PLK4: variants seen among roughly 807,000 people sequenced by gnomAD.
PLK4 encodes the protein serine/threonine-protein kinase PLK4.
In PLK4, 51 loss-of-function variants were observed where a neutral mutation model predicts 103.0. The ratio of observed to expected loss-of-function variants is 0.50; its 90% confidence interval spans 0.40 to 0.63. The LOEUF (loss-of-function observed/expected upper bound fraction) is 0.63, where lower values mean the gene tolerates loss of function less well. Ranked by LOEUF, PLK4 falls within the 20% of genes least tolerant of loss-of-function variation. The probability of loss-of-function intolerance (pLI) is 0.00; values close to 1 mark genes in which losing one functional copy is unlikely to be tolerated. For missense variants in PLK4, 1,054 were observed against 1,151.0 expected (o/e 0.92, Z 1.22); for synonymous variants, 389 against 376.8 (o/e 1.03, Z -0.38).
intron 6 of PLK4, among the ~76,000 whole-genome samples, chr4:127,888,408 G>C (rs1331302501): frequency 6.6e-6 from 1 of 152,074 alleles, no homozygotes; most frequent in East Asian, 1.9e-4. Flanking sequence ...TGACCATTCA[G>C]CAGAGGAGCC....
chr4:127,897,824 CTTTTTTTTTTTTTTTTT>C (rs200741150), intron 15 of PLK4, among the ~76,000 whole-genome samples: 10 of 28,806 alleles, frequency 3.5e-4, no homozygotes, highest in South Asian at 2.2e-3. Context: ...AGAATTAGGG[CTTTTTTTTTTTTTTTTT>C]TTTTTTTTTT....
At chr4:127,890,362 A>G (rs1735308952) in intron 7 of PLK4, 126 bp downstream of exon 7, 4 of 567,868 alleles carry the variant, frequency 7.0e-6, no homozygotes, top group Non-Finnish European at 1.1e-5. Flanking sequence ...CAACTTTATT[A>G]AAGAGAAAAG....
At chr4:127,898,372 T>A in intron 15 of PLK4, 67 bp from the exon 16 acceptor site, 1 of 744,448 alleles carries the variant, frequency 1.3e-6, no homozygotes, top group Non-Finnish European at 2.4e-6. Context: ...AATGTGCTTT[T>A]TGGGACTCTC....
At chr4:127,890,378 G>A (rs1275782292) in intron 7 of PLK4, 142 bp downstream of exon 7, 1 of 513,730 alleles carries the variant, frequency 1.9e-6, no homozygotes, top group African/African-American at 1.9e-5. Flanking sequence ...AAAAGAGACT[G>A]GGTGTTTATG....
chr4:127,891,570 T>G lies in PLK4; in HGVS notation c.1936-9T>G. ...ATGTAATTAGAATTTTAAAAAAATC[T>G]TTTGGCAGATCACTATTTATTATCC... On this transcript the variant is annotated splice_polypyrimidine_tract_variant and intron_variant, in intron 8 of 15. Coordinates refer to ENST00000270861, the MANE Select transcript of PLK4 (RefSeq NM_014264.5). 1 of 1,364,530 alleles carries G rather than the reference T, an allele frequency of 7.3e-7. No homozygotes were observed. Among genetic ancestry groups the G allele is most frequent in the Non-Finnish European group, 1.0e-6 (1 of 996,056 alleles). 84.5% of individuals were successfully genotyped at this position (1,364,530 alleles called of 1,614,324 possible). A position where few individuals can be genotyped will look rare whatever the true frequency, so the allele number is the denominator to read the frequency against.
chr4:127,887,987 C>T (rs1241613807), intron 6 of PLK4, among the ~76,000 whole-genome samples: 1 of 151,084 alleles, frequency 6.6e-6, no homozygotes, highest in African/African-American at 2.4e-5. Context: ...CGAGACCACC[C>T]TGGCCAACAT....
chr4:127,892,674 T>G, intron 10 of PLK4, 160 bp downstream of exon 10: 1 of 526,852 alleles, frequency 1.9e-6, no homozygotes, highest in Non-Finnish European at 3.3e-6. Context: ...CAAATCATAT[T>G]AATCAAAATT....
rs1735513468 is a variant in PLK4, at chr4:127,895,088, A to T, written c.2698A>T (p.Thr900Ser). The T allele has an allele frequency of 1.9e-6, 3 of 1,609,284 alleles. No homozygotes were observed. The highest frequency in any genetic ancestry group is 2.5e-6 in the Non-Finnish European group (3 of 1,178,008). The change falls in exon 14 of 16, where the codon ACA (threonine) becomes TCA (serine). Residue 900 changes from threonine (T) to serine (S), a missense_variant. Thr to Ser is a moderately conservative substitution (Grantham distance 58). Around this residue, in one of 4 missense-constraint regions of PLK4, gnomAD observed 167 missense variants for 200.7 expected, o/e 0.83. Coordinates refer to ENST00000270861, the MANE Select transcript of PLK4 (RefSeq NM_014264.5). Reference protein sequence around the residue: ...SVFVKNVGWATQLTSGAVWVQ... With the variant: ...SVFVKNVGWASQLTSGAVWVQ... ...TTTTGTGAAAAATGTTGGTTGGGCT[A>T]CACAGGTGAGAAGTTTCTAGTACAG... is the stretch of plus-strand genomic sequence containing the variant.
chr4:127,891,008 A>T (rs1415252679), intron 7 of PLK4, 84 bp from the exon 8 acceptor site: 8 of 685,514 alleles, frequency 1.2e-5, no homozygotes, highest in Non-Finnish European at 1.5e-5. Context: ...TGCCATGGTT[A>T]AGTACTCCTA....
intron 15 of PLK4, 129 bp downstream of exon 15, chr4:127,897,036 G>T: frequency 1.7e-6 from 1 of 573,252 alleles, no homozygotes; most frequent in Non-Finnish European, 3.1e-6. Flanking sequence ...TCTTTAAACT[G>T]TTAATTATTC....
At chr4:127,891,761 A>G (rs1735368831) in intron 9 of PLK4, 80 bp downstream of exon 9, 1 of 439,052 alleles carries the variant, frequency 2.3e-6, no homozygotes, top group East Asian at 3.7e-5. Flanking sequence ...TAGATATAAT[A>G]AATTATAAAT....
intron 6 of PLK4, among the ~76,000 whole-genome samples, chr4:127,888,005 C>A (rs1008854092): frequency 2.7e-4 from 41 of 149,982 alleles, no homozygotes; most frequent in Non-Finnish European, 4.9e-4. Context: ...CATGGTGAAA[C>A]CCCGTCTCTA....
At chr4:127,896,072 A>G (rs934951565) in intron 14 of PLK4, among the ~76,000 whole-genome samples, 1 of 152,156 alleles carries the variant, frequency 6.6e-6, no homozygotes, top group East Asian at 1.9e-4. Context: ...GGGGTAGGTA[A>G]CATTTGTTGA....
rs60279389 is a variant in PLK4, at chr4:127,894,814, T to A, written c.2563-139T>A. The A allele has an allele frequency of 0.037, 19,909 of 537,164 alleles. 1,698 individuals carry two copies. The highest frequency in any genetic ancestry group is 0.3 in the East Asian group (9,218 of 30,924). 33.3% of individuals were successfully genotyped at this position (537,164 alleles called of 1,614,324 possible). ...TCTGTATTTTTCTAATTTCCAATAA[T>A]GTGGTTATATTTTCGTTAAAAAATG... On this transcript the variant is annotated intron_variant, in intron 13 of 15. Transcript: ENST00000270861.
rs138185535 is a variant in PLK4, at chr4:127,886,622, G to A, written c.1252G>A (p.Glu418Lys). The change falls in exon 5 of 16, where the codon GAG becomes AAG. Residue 418 changes from glutamate (E) to lysine (K), a missense_variant. By Grantham distance (56) the Glu-to-Lys change is moderately conservative (BLOSUM62 1). Coordinates refer to ENST00000270861, the MANE Select transcript of PLK4 (RefSeq NM_014264.5). ...AAGATCAGGAGGAGGTGAAAATGAA[G>A]AGAGGTACTCACCCACAGACAACAA... is the stretch of plus-strand genomic sequence containing the variant. ...SKRSGGGENE[E>K]RYSPTDNNAN... 1.2e-6 allele frequency: 2 copies of A among 1,613,464 alleles called. No homozygotes were observed. The highest frequency in any genetic ancestry group is 1.3e-5 in the African/African-American group (1 of 74,922).
intron 14 of PLK4, among the ~76,000 whole-genome samples, chr4:127,895,549 G>A (rs1279436646): frequency 7.3e-6 from 1 of 136,250 alleles, no homozygotes; most frequent in Non-Finnish European, 1.5e-5. Flanking sequence ...AGCCTCCCGA[G>A]TAGCTGGGAC....
In PLK4 at chr4:127,885,435, C is replaced by T. The variant is rs111785587; in HGVS notation, c.338-273C>T. On this transcript the variant is annotated intron_variant, in intron 4 of 15. Transcript: ENST00000270861. ...CGGAGCTTGCTGTGAGCCGAGATCGCGCCACTGCACTCCAGCCTGAGGGAC... is the reference window on the plus strand; with the variant it reads ...CGGAGCTTGCTGTGAGCCGAGATCGTGCCACTGCACTCCAGCCTGAGGGAC... Among the ~76,000 whole-genome samples, 5,867 of 144,844 alleles carry T rather than the reference C, an allele frequency of 0.041. 370 individuals carry two copies. Among genetic ancestry groups the T allele is most frequent in the African/African-American group, 0.14 (5,496 of 38,818 alleles).
Position 127,893,402 on chromosome 4 carries a change from T to G in PLK4, c.2306T>G (p.Met769Arg). Residue 769 changes from methionine (M) to arginine (R), a missense_variant, in exon 11 of 16, where the codon ATG (methionine) becomes AGG (arginine). By Grantham distance (91) the Met-to-Arg change is moderately conservative. Coordinates refer to ENST00000270861, the MANE Select transcript of PLK4 (RefSeq NM_014264.5). ...TTGAAAGAGGAGATAAAAATGTATA[T>G]GGACCATGCTAATGAGGTACATACC... ...NSLKEEIKMYMDHANEGHRIC... is the reference protein window; with the variant it reads ...NSLKEEIKMYRDHANEGHRIC... 6.2e-7 allele frequency: 1 copy of G among 1,608,028 alleles called. No homozygotes were observed. Among genetic ancestry groups the G allele is most frequent in the South Asian group, 1.1e-5 (1 of 89,904 alleles).
chr4:127,894,655 A>G (rs1578767458), intron 13 of PLK4, among the ~76,000 whole-genome samples: 1 of 152,272 alleles, frequency 6.6e-6, no homozygotes, highest in African/African-American at 2.4e-5. Flanking sequence ...GAAAAATGCA[A>G]CATTAAAGAA....
Sources: allele counts gnomAD v4.1 joint callset (sites outside exome capture counted in the v4.1 genomes callset), GRCh38; gene constraint gnomAD v4.1.1; regional missense constraint gnomAD v4.1.1; transcripts MANE v1.5; gene names NCBI Gene and HGNC (gene_info 2026-07-23, HGNC 2026-07-21).